The following UCK1 variants were observed in gnomAD, a reference collection of about 807,000 sequenced individuals.
UCK1 encodes uridine-cytidine kinase 1, also known as cytidine monophosphokinase 1.
Under a neutral mutation model 34.0 loss-of-function variants are expected in UCK1, and 20 were observed. The ratio of observed to expected loss-of-function variants is 0.59; its 90% CI spans 0.41 to 0.86. The LOEUF is 0.86. UCK1 is among the 40% of genes least tolerant of loss of function. The pLI is 0.00. For synonymous variants in UCK1, 168 were observed against 155.9 expected (o/e 1.08, Z -0.58); for missense variants, 343 against 383.6 (o/e 0.89, Z 0.88).
At chr9:131,526,603 A>AG (rs1350512088) in intron 5 of UCK1, 1 of 978,338 alleles carries the variant, frequency 1.0e-6, no homozygotes, top group Non-Finnish European at 1.4e-6. Context: ...GCTTTAGGGA[A>AG]GGGGAAGCAG....
At chr9:131,528,726 G>A (rs1316778665) in intron 5 of UCK1, 2 of 605,776 alleles carry the variant, frequency 3.3e-6, no homozygotes, top group South Asian at 2.0e-5. Context: ...TGAATGTGGG[G>A]GAGATATGGG....
chr9:131,529,633 G>A (rs368702018), intron 2 of UCK1, 49 bp from the exon 3 acceptor site: 166 of 1,566,116 alleles, frequency 1.1e-4, no homozygotes, highest in Middle Eastern at 3.3e-4. Context: ...CTCGTGCAGC[G>A]GACAGCAGGG....
intron 5 of UCK1, chr9:131,526,314 G>A: frequency 2.2e-6 from 2 of 924,256 alleles, no homozygotes; most frequent in African/African-American, 1.6e-5. Context: ...GCCAAGCTAA[G>A]TGTGGCACTT....
intron 6 of UCK1, 132 bp from the exon 7 acceptor site, chr9:131,525,353 C>G (rs1950554807): frequency 9.6e-7 from 1 of 1,042,338 alleles, no homozygotes; most frequent in Non-Finnish European, 1.4e-6. Context: ...CGAGGGGCAT[C>G]GAGTCAAATC....
At position 131,525,082 on chromosome 9, in the gene UCK1, A is replaced by C. The variant is rs561411164; in HGVS notation, c.792T>G (p.Ser264=). Residue 264 remains serine, a synonymous_variant, in exon 7 of 7, where the codon TCT becomes TCG. Coordinates refer to ENST00000372215, the MANE Select transcript of UCK1 (RefSeq NM_031432.5). ...TGGACTCCAAATGTGACCGTTTGCC[A>C]GAGGTCAGCATCCCAGGGTGGTCCC... is the stretch of plus-strand genomic sequence containing the variant. ...EPGDHPGMLT[S]GKRSHLESSS... is the part of the protein sequence containing the mutation. 3.7e-6 allele frequency: 6 copies of C among 1,613,480 alleles called. No homozygotes were observed. The East Asian group carries it at 1.3e-4, about 36-fold the overall frequency.
chr9:131,525,269 G>C (rs373218762), intron 6 of UCK1, 48 bp from the exon 7 acceptor site: 1 of 1,609,966 alleles, frequency 6.2e-7, no homozygotes, highest in South Asian at 1.1e-5. Context: ...TCCATCCTCC[G>C]TGGAGACCGC....
Position 131,524,951 on chromosome 9 carries a change from G to T in UCK1, c.*89C>A, listed in dbSNP as rs1950525879. On this transcript the variant is annotated 3_prime_UTR_variant, in exon 7 of 7. Transcript: ENST00000372215. Reference sequence around the variant, plus strand: ...AACACTCCCCTGGGGTGCGCCGAGAGGAAGCAGTGGGTGTGGGTGGGCGTC... The same window carrying T: ...AACACTCCCCTGGGGTGCGCCGAGATGAAGCAGTGGGTGTGGGTGGGCGTC... The T allele has an allele frequency of 2.0e-6, 3 of 1,486,448 alleles. No homozygotes were observed. The highest frequency in any genetic ancestry group is 9.1e-7 in the Non-Finnish European group (1 of 1,103,352). The allele number at this position is 1,486,448 out of a possible 1,614,324, so 92.1% of individuals were successfully genotyped here.
Position 131,531,145 on chromosome 9 carries a change from C to A in UCK1, c.30G>T (p.Glu10Asp). Residue 10 changes from glutamate to aspartate, a missense_variant, in exon 1 of 7, where the codon GAG becomes GAT. Coordinates refer to ENST00000372215, the MANE Select transcript of UCK1 (RefSeq NM_031432.5). ...GACGGTCGGCCTCCGGCGCGGGGCT[C>A]TCGCAGTCTTCGCCTCCCGCCGAAG... MASAGGEDC[E>D]SPAPEADRPH... The A allele has an allele frequency of 1.4e-6, 2 of 1,445,950 alleles. No homozygotes were observed. The highest frequency in any genetic ancestry group is 9.1e-7 in the Non-Finnish European group (1 of 1,102,528). The allele number at this position is 1,445,950 out of a possible 1,614,324, so 89.6% of individuals were successfully genotyped here.
Position 131,531,124 on chromosome 9 carries a change from G to A in UCK1, c.51C>T (p.Asp17=), listed in dbSNP as rs1226441440. ...TCAGGAAGGGCCGCTGGTGCGGACG[G>A]TCGGCCTCCGGCGCGGGGCTCTCGC... The part of the protein sequence containing the change: ...EDCESPAPEA[D]RPHQRPFLIG... Residue 17 remains aspartate (D), a synonymous_variant, in exon 1 of 7, where the codon GAC becomes GAT. Transcript: ENST00000372215. 3 of 1,451,176 alleles carry A rather than the reference G, an allele frequency of 2.1e-6. No individual in the cohort carries two copies. The highest frequency in any genetic ancestry group is 2.7e-5 in the South Asian group (2 of 74,862). 89.9% of individuals were successfully genotyped at this position (1,451,176 alleles called of 1,614,324 possible).
At position 131,529,570 on chromosome 9, in the gene UCK1, C is replaced by G. The variant is rs1230875400; in HGVS notation, c.283G>C (p.Asp95His). The change falls in exon 3 of 7, where the codon GAT becomes CAT. Residue 95 changes from aspartate to histidine, a missense_variant. By Grantham distance (81) the Asp-to-His change is moderately conservative. Transcript: ENST00000372215. Reference sequence around the variant, plus strand: ...TTCTTCAGAGTCCTGTGCATCAAATCATTATCAAAGGCATCTGCAGGGTTG... The same window carrying G: ...TTCTTCAGAGTCCTGTGCATCAAATGATTATCAAAGGCATCTGCAGGGTTG... ...NFDHPDAFDN[D>H]LMHRTLKNIV... The G allele has an allele frequency of 6.2e-7, 1 of 1,614,182 alleles. No homozygotes were observed. Among genetic ancestry groups the G allele is most frequent in the Non-Finnish European group, 8.5e-7 (1 of 1,180,022 alleles).
At chr9:131,529,292 G>C in intron 3 of UCK1, 22 bp from the exon 4 acceptor site, 1 of 1,613,686 alleles carries the variant, frequency 6.2e-7, no homozygotes, top group Non-Finnish European at 8.5e-7. Flanking sequence ...ACGGGGAAAG[G>C]GGCTCTGCTG....
At chr9:131,525,285 C>A (rs189623280) in intron 6 of UCK1, 64 bp from the exon 7 acceptor site, 6 of 1,603,696 alleles carry the variant, frequency 3.7e-6, no homozygotes, top group Non-Finnish European at 5.1e-6. Flanking sequence ...ACCGCCCCTC[C>A]CCGCAGCACT....
intron 5 of UCK1, chr9:131,526,511 G>C: frequency 7.8e-7 from 1 of 1,289,514 alleles, no homozygotes; most frequent in East Asian, 5.5e-5. Flanking sequence ...CTGCTGCTGA[G>C]GAAGGACAAG....
chr9:131,525,787 G>A, intron 6 of UCK1, 142 bp downstream of exon 6: 2 of 887,740 alleles, frequency 2.3e-6, no homozygotes, highest in Non-Finnish European at 3.4e-6. Context: ...ACATTTTTAA[G>A]CATATTTTAA....
At position 131,526,065 on chromosome 9, in the gene UCK1, G is replaced by A. The variant is rs899150052; in HGVS notation, c.604-88C>T. On this transcript the variant is annotated intron_variant, in intron 5 of 6. Transcript: ENST00000372215. ...CTCAGAAACAGATGCAACAGCAGGA[G>A]GGGCGGCCCTGGGGTGCTCAGAGGT... The A allele has an allele frequency of 4.0e-6, 6 of 1,518,530 alleles. No individual in the cohort carries two copies. The African/African-American group carries it at 5.6e-5, about 14-fold the overall frequency. 94.1% of individuals were successfully genotyped at this position (1,518,530 alleles called of 1,614,324 possible). A position where few individuals can be genotyped will look rare whatever the true frequency, so the allele number is the denominator to read the frequency against.
At chr9:131,530,780 G>A in intron 1 of UCK1, 135 bp from the exon 2 acceptor site, 1 of 1,505,566 alleles carries the variant, frequency 6.6e-7, no homozygotes. Flanking sequence ...AACAGGTGTG[G>A]ATGGTCTCAG....
chr9:131,528,758 A>C, intron 5 of UCK1, 186 bp downstream of exon 5: 1 of 683,732 alleles, frequency 1.5e-6, no homozygotes, highest in Non-Finnish European at 2.4e-6. Context: ...CAGAGGGAGG[A>C]GCAGGCACAG....
At position 131,529,497 on chromosome 9, in the gene UCK1, G is replaced by C; in HGVS notation, c.356C>G (p.Thr119Arg). 1 of 1,614,134 alleles carries C rather than the reference G, an allele frequency of 6.2e-7. No individual in the cohort carries two copies. The highest frequency in any genetic ancestry group is 8.5e-7 in the Non-Finnish European group (1 of 1,180,018). The change falls in exon 3 of 7, where the codon ACA becomes AGA. Residue 119 changes from threonine (T) to arginine (R), a missense_variant. By Grantham distance (71) the Thr-to-Arg change is moderately conservative. Transcript: ENST00000372215. The part of the protein sequence containing the change: ...TVEVPTYDFV[T>R]HSRLPETTVV... ...AGAACCACCTGCTTACCTTGAGTGT[G>C]TCACAAAATCATAGGTCGGCACCTC... is the stretch of plus-strand genomic sequence containing the variant.
chr9:131,525,195 T>C lies in UCK1; in HGVS notation c.679A>G (p.Ile227Val). The change falls in exon 7 of 7, where the codon ATC becomes GTC. Residue 227 changes from isoleucine (I) to valine (V), a missense_variant. Coordinates refer to ENST00000372215, the MANE Select transcript of UCK1 (RefSeq NM_031432.5). ...ATGTCACCATTCAGAATGTCCTGGA[T>C]GTGCTGCACGATCAGGTTGATGGCA... The part of the protein sequence containing the change: ...MVAINLIVQH[I>V]QDILNGDICK... The C allele has an allele frequency of 6.2e-7, 1 of 1,614,066 alleles. No individual in the cohort carries two copies. Among genetic ancestry groups the C allele is most frequent in the Non-Finnish European group, 8.5e-7 (1 of 1,180,030 alleles).
Sources: gnomAD v4.1 joint callset for allele counts on GRCh38, gnomAD v4.1.1 for gene constraint, MANE v1.5 for transcripts, NCBI Gene and HGNC (gene_info 2026-07-23, HGNC 2026-07-21) for gene names.